Variants in FMN1 observed in about 807,000 individuals in gnomAD.
FMN1 encodes the protein formin 1.
FMN1 carries 110 observed loss-of-function variants against 132.4 expected under a neutral mutation model. That is an observed-to-expected ratio of 0.83 (90% CI 0.71 to 0.97). The LOEUF (loss-of-function observed/expected upper bound fraction) is 0.97. Among genes scored for constraint, FMN1 ranks in the 50% least tolerant of loss-of-function variants. FMN1 has a pLI of 0.00. For missense variants in FMN1, 1,792 were observed against 1,705.3 expected (o/e 1.05, Z -0.90); for synonymous variants, 722 against 651.7 (o/e 1.11, Z -1.64).
At chr15:32,775,920 G>A (rs908328978) in intron 20 of FMN1, among the ~76,000 whole-genome samples, 1 of 152,176 alleles carries the variant, frequency 6.6e-6, no homozygotes, top group Admixed American at 6.5e-5. Flanking sequence ...CGAGAGAGGA[G>A]GGTGATACTT....
chr15:33,096,700 G>C (rs1005643378), intron 4 of FMN1, among the ~76,000 whole-genome samples: 13 of 152,010 alleles, frequency 8.6e-5, no homozygotes, highest in African/African-American at 2.9e-4. Context: ...CCCGGGCTCA[G>C]GTGACAAGTG....
intron 17 of FMN1, among the ~76,000 whole-genome samples, chr15:32,820,099 C>T (rs2141096985): frequency 6.6e-6 from 1 of 152,212 alleles, no homozygotes; most frequent in South Asian, 2.1e-4. Context: ...AACCAAAATC[C>T]ATCAATACAA....
At chr15:33,110,509 A>G (rs1183508067) in intron 4 of FMN1, among the ~76,000 whole-genome samples, 4 of 151,998 alleles carry the variant, frequency 2.6e-5, no homozygotes, top group African/African-American at 9.7e-5. Flanking sequence ...TAATGGCCAT[A>G]TAATAGTTTT....
At chr15:32,835,348 C>T (rs181185027) in intron 17 of FMN1, among the ~76,000 whole-genome samples, 120 of 152,240 alleles carry the variant, frequency 7.9e-4, no homozygotes, top group African/African-American at 2.6e-3. Flanking sequence ...AATTATTTTC[C>T]TCTTCCAAAG....
At chr15:32,887,429 G>A (rs1337253859) in intron 16 of FMN1, among the ~76,000 whole-genome samples, 1 of 152,080 alleles carries the variant, frequency 6.6e-6, no homozygotes, top group Non-Finnish European at 1.5e-5. Flanking sequence ...CTCTAGAAAT[G>A]CCAAAGGAAA....
intron 4 of FMN1, among the ~76,000 whole-genome samples, chr15:33,125,142 G>T (rs1962931664): frequency 2.0e-5 from 3 of 152,052 alleles, no homozygotes; most frequent in Non-Finnish European, 1.5e-5. Flanking sequence ...CAAATGATGC[G>T]GTAGAATGCA....
intron 4 of FMN1, among the ~76,000 whole-genome samples, chr15:33,137,067 G>T (rs1330978536): frequency 8.3e-6 from 1 of 120,472 alleles, no homozygotes; most frequent in Non-Finnish European, 1.6e-5. Context: ...CAGCCTGGGC[G>T]ACAGAGCAAG....
At chr15:32,884,209 G>C (rs753171547) in intron 16 of FMN1, among the ~76,000 whole-genome samples, 1 of 152,154 alleles carries the variant, frequency 6.6e-6, no homozygotes, top group Non-Finnish European at 1.5e-5. Flanking sequence ...CTATATGTTA[G>C]AAGTCTGACA....
intron 5 of FMN1, among the ~76,000 whole-genome samples, chr15:33,082,030 T>G (rs911455914): frequency 3.7e-5 from 5 of 136,410 alleles, no homozygotes; most frequent in African/African-American, 8.0e-5. Context: ...GGTGTGTGTG[T>G]GTGTGTGTGT....
intron 9 of FMN1, among the ~76,000 whole-genome samples, chr15:32,933,296 CCTG>C (rs746487581): frequency 4.6e-5 from 7 of 152,128 alleles, no homozygotes; most frequent in Non-Finnish European, 7.4e-5. Context: ...CAGTTTTCTT[CCTG>C]CTATTATTTC....
intron 10 of FMN1, among the ~76,000 whole-genome samples, chr15:32,924,058 GT>G (rs1209714752): frequency 1.3e-5 from 2 of 152,124 alleles, no homozygotes; most frequent in African/African-American, 4.8e-5. Flanking sequence ...GAAAACATTT[GT>G]TTTTGTTTTT....
At chr15:32,889,047 G>A (rs966805158) in intron 15 of FMN1, among the ~76,000 whole-genome samples, 1 of 152,002 alleles carries the variant, frequency 6.6e-6, no homozygotes, top group Non-Finnish European at 1.5e-5. Flanking sequence ...AGAGACGGGG[G>A]TCTCACCATG....
intron 19 of FMN1, among the ~76,000 whole-genome samples, chr15:32,793,699 A>C (rs2057172388): frequency 6.6e-6 from 1 of 152,180 alleles, no homozygotes; most frequent in Non-Finnish European, 1.5e-5. Context: ...TTTGACAATT[A>C]ATTAGGGGGT....
chr15:33,018,324 T>C (rs997065415), intron 6 of FMN1, among the ~76,000 whole-genome samples: 2 of 152,066 alleles, frequency 1.3e-5, no homozygotes, highest in Non-Finnish European at 2.9e-5. Flanking sequence ...TTTAGGTAGC[T>C]TCAGGATGGG....
At chr15:32,950,892 G>A (rs1456952969) in intron 9 of FMN1, among the ~76,000 whole-genome samples, 2 of 152,032 alleles carry the variant, frequency 1.3e-5, no homozygotes, top group Non-Finnish European at 2.9e-5. Context: ...TTATTGACAC[G>A]ATTCCTAACT....
At chr15:33,157,403 T>C (rs1327782970) in intron 3 of FMN1, among the ~76,000 whole-genome samples, 2 of 152,178 alleles carry the variant, frequency 1.3e-5, no homozygotes, top group Non-Finnish European at 2.9e-5. Flanking sequence ...ATATTTTCAT[T>C]TTGTTATCTC....
chr15:33,125,286 T>C (rs1390895864), intron 4 of FMN1, among the ~76,000 whole-genome samples: 7 of 152,152 alleles, frequency 4.6e-5, no homozygotes, highest in South Asian at 2.1e-4. Context: ...AGATAATACA[T>C]AGAAAGCTTC....
At chr15:33,165,354 G>A (rs1965055157) in intron 3 of FMN1, among the ~76,000 whole-genome samples, 1 of 152,186 alleles carries the variant, frequency 6.6e-6, no homozygotes, top group African/African-American at 2.4e-5. Flanking sequence ...CTTGAACAAT[G>A]GCTTTCCAAT....
At chr15:32,938,789 G>C (rs2061336483) in intron 9 of FMN1, among the ~76,000 whole-genome samples, 1 of 152,094 alleles carries the variant, frequency 6.6e-6, no homozygotes, top group Non-Finnish European at 1.5e-5. Flanking sequence ...TGAAAAACAG[G>C]TGAAATGTGT....
Sources: gnomAD v4.1 joint callset for allele counts (sites outside exome capture counted in the v4.1 genomes callset) on GRCh38, gnomAD v4.1.1 for gene constraint, MANE v1.5 for transcripts, NCBI Gene and HGNC (gene_info 2026-07-23, HGNC 2026-07-21) for gene names.